Variants in AFF3 observed in about 807,000 individuals in gnomAD.
AFF3 encodes the protein AF4/FMR2 family member 3.
A neutral mutation model predicts 129.7 loss-of-function variants in AFF3; 32 were observed. The ratio of observed to expected loss-of-function variants is 0.25; its 90% CI spans 0.19 to 0.33. The LOEUF is 0.33. Among genes scored for constraint, AFF3 ranks in the 10% least tolerant of loss-of-function variants. AFF3 has a pLI of 1.00. For missense variants in AFF3, 1,373 were observed against 1,592.0 expected, an observed-to-expected ratio of 0.86 and a Z score of 2.34; for synonymous variants, 644 against 635.4, an observed-to-expected ratio of 1.01 and a Z score of -0.20.
At chr2:99,644,123 T>C (rs1393784272) in intron 13 of AFF3, among the ~76,000 whole-genome samples, 1 of 152,206 alleles carries the variant, frequency 6.6e-6, no homozygotes, top group Non-Finnish European at 1.5e-5. Flanking sequence ...CAATGGCAGT[T>C]GTTTGGATTT....
chr2:99,657,801 A>T (rs1467579958), intron 12 of AFF3, among the ~76,000 whole-genome samples: 1 of 152,196 alleles, frequency 6.6e-6, no homozygotes, highest in Non-Finnish European at 1.5e-5. Flanking sequence ...AAAAATGCTG[A>T]TTAGGGTTGA....
chr2:99,570,491 T>C (rs1006990200), intron 18 of AFF3, among the ~76,000 whole-genome samples: 6 of 152,086 alleles, frequency 3.9e-5, no homozygotes, highest in Non-Finnish European at 8.8e-5. Context: ...TGTGTGCCAC[T>C]ATGCCTGGCT....
Position 99,549,449 on chromosome 2 carries a change from G to C in AFF3, c.*2025C>G. 5.6e-6 allele frequency: 1 copy of C among 179,246 alleles called. No homozygotes were observed. Among genetic ancestry groups the C allele is most frequent in the Non-Finnish European group, 1.2e-5 (1 of 83,662 alleles). 11.1% of individuals were successfully genotyped at this position (179,246 alleles called of 1,614,324 possible). A position where few individuals can be genotyped will look rare whatever the true frequency, so the allele number is the denominator to read the frequency against. On this transcript the variant is annotated 3_prime_UTR_variant, in exon 25 of 25. Coordinates refer to ENST00000672756, the MANE Select transcript of AFF3 (RefSeq NM_001386135.1). Reference sequence around the variant, plus strand: ...AAAACACAAAAATTAGCTGGGCATGGTAGTGCACACCTGTAATCCCAGCTA... The same window carrying C: ...AAAACACAAAAATTAGCTGGGCATGCTAGTGCACACCTGTAATCCCAGCTA...
At chr2:99,913,354 A>T (rs1219652329) in intron 7 of AFF3, among the ~76,000 whole-genome samples, 1 of 152,314 alleles carries the variant, frequency 6.6e-6, no homozygotes, top group East Asian at 1.9e-4. Flanking sequence ...CAGAGAAGGG[A>T]GTTATAAATG....
At chr2:99,625,600 G>A (rs1204076655) in intron 13 of AFF3, among the ~76,000 whole-genome samples, 1 of 152,092 alleles carries the variant, frequency 6.6e-6, no homozygotes, top group Non-Finnish European at 1.5e-5. Flanking sequence ...CTTCTGGGTT[G>A]TATGACAGGA....
chr2:99,766,458 CAG>C (rs1275728706), intron 8 of AFF3, among the ~76,000 whole-genome samples: 15 of 152,200 alleles, frequency 9.9e-5, no homozygotes, highest in African/African-American at 2.9e-4. Context: ...TTATAGGAAA[CAG>C]AAAATGTCTA....
At chr2:99,601,161 T>C (rs1038099297) in intron 14 of AFF3, among the ~76,000 whole-genome samples, 2 of 152,308 alleles carry the variant, frequency 1.3e-5, no homozygotes, top group African/African-American at 2.4e-5. Flanking sequence ...GTGATGTTTA[T>C]AGCATACTTG....
chr2:99,814,366 G>T (rs1033309168), intron 8 of AFF3, among the ~76,000 whole-genome samples: 1 of 152,100 alleles, frequency 6.6e-6, no homozygotes, highest in Non-Finnish European at 1.5e-5. Flanking sequence ...GCACAGAAGG[G>T]TATACTGGAT....
In AFF3 at chr2:100,067,143, T is replaced by C. The variant is rs972351699; in HGVS notation, c.53+37259A>G. The stretch of plus-strand genomic sequence containing the variant: ...TACCCATAATTCATTCCCCCTTACC[T>C]AGCACACTTTAAGATCTGTTCATGC... On this transcript the variant is annotated intron_variant, in intron 4 of 24. Transcript: ENST00000672756. Among the ~76,000 whole-genome samples, 3 of 144,566 alleles carry C rather than the reference T, an allele frequency of 2.1e-5. No homozygotes were observed. The Admixed American group carries it at 2.1e-4, about 10-fold the overall frequency. 94.8% of individuals were successfully genotyped at this position (144,566 alleles called of 152,430 possible).
chr2:99,932,049 C>T (rs973414291), intron 7 of AFF3, among the ~76,000 whole-genome samples: 2 of 152,180 alleles, frequency 1.3e-5, no homozygotes, highest in Non-Finnish European at 2.9e-5. Context: ...ATACTAGGTG[C>T]ATTTACCTTC....
intron 12 of AFF3, 60 bp downstream of exon 12, chr2:99,672,478 C>T: frequency 2.0e-6 from 3 of 1,537,214 alleles, no homozygotes; most frequent in Non-Finnish European, 2.7e-6. Context: ...CGGCACAGTC[C>T]ACCAGGTAAC....
At chr2:100,114,413 G>T (rs781392608) in intron 2 of AFF3, among the ~76,000 whole-genome samples, 1 of 152,024 alleles carries the variant, frequency 6.6e-6, no homozygotes, top group East Asian at 1.9e-4. Flanking sequence ...ACAGAGTCTC[G>T]TTCTGCCACC....
chr2:99,871,580 C>T (rs946352110), intron 7 of AFF3, among the ~76,000 whole-genome samples: 6 of 148,754 alleles, frequency 4.0e-5, no homozygotes, highest in South Asian at 4.2e-4. Context: ...AATCGAAGGC[C>T]GTATTGTGAA....
intron 8 of AFF3, among the ~76,000 whole-genome samples, chr2:99,755,196 C>A (rs997725626): frequency 2.6e-5 from 4 of 152,016 alleles, no homozygotes; most frequent in African/African-American, 9.7e-5. Context: ...TCTGTCCACT[C>A]CACTCCTTTA....
chr2:99,726,607 A>G (rs1679383741), intron 11 of AFF3, among the ~76,000 whole-genome samples: 1 of 152,204 alleles, frequency 6.6e-6, no homozygotes, highest in Admixed American at 6.5e-5. Context: ...TGTTTTTAAA[A>G]CTGCTTTTGT....
intron 1 of AFF3, among the ~76,000 whole-genome samples, chr2:100,134,566 T>C (rs985112538): frequency 7.2e-5 from 11 of 152,216 alleles, no homozygotes; most frequent in African/African-American, 2.2e-4. Context: ...TACAAAAAAC[T>C]ATCATCCCAA....
At chr2:99,862,025 T>A (rs746270727) in intron 7 of AFF3, among the ~76,000 whole-genome samples, 1 of 152,130 alleles carries the variant, frequency 6.6e-6, no homozygotes, top group Non-Finnish European at 1.5e-5. Flanking sequence ...GAAAGATGTT[T>A]TAGTCTCCAC....
chr2:99,896,775 A>G (rs973125599), intron 7 of AFF3, among the ~76,000 whole-genome samples: 12 of 151,536 alleles, frequency 7.9e-5, no homozygotes, highest in Non-Finnish European at 1.5e-4. Context: ...AGCTGGGACT[A>G]CAGGCACGCA....
intron 2 of AFF3, among the ~76,000 whole-genome samples, chr2:100,113,048 T>A (rs1337017814): frequency 6.6e-6 from 1 of 152,170 alleles, no homozygotes; most frequent in Non-Finnish European, 1.5e-5. Context: ...TCAGCCCAAA[T>A]CCCCATGCTG....
Sources: gnomAD v4.1 joint callset for allele counts (sites outside exome capture counted in the v4.1 genomes callset) on GRCh38, gnomAD v4.1.1 for gene constraint, MANE v1.5 for transcripts, NCBI Gene and HGNC (gene_info 2026-07-23, HGNC 2026-07-21) for gene names.